The following CADM2 variants were observed in gnomAD, a reference collection of about 807,000 sequenced individuals.
CADM2 encodes cell adhesion molecule 2.
CADM2 carries 12 observed loss-of-function variants against 49.8 expected under a neutral mutation model. The ratio of observed to expected loss-of-function variants is 0.24; its 90% CI spans 0.15 to 0.39. CADM2 has a LOEUF of 0.39. Ranked by LOEUF, CADM2 falls within the 10% of genes least tolerant of loss-of-function variation. The pLI, the probability that CADM2 is intolerant of heterozygous loss-of-function variation, is 1.00. For missense variants in CADM2, 378 were observed against 492.3 expected, an observed-to-expected ratio of 0.77 and a Z score of 2.20; for synonymous variants, 214 against 175.4, an observed-to-expected ratio of 1.22 and a Z score of -1.74.
intron 1 of CADM2, among the ~76,000 whole-genome samples, chr3:85,320,644 T>C (rs1161742235): frequency 1.3e-5 from 2 of 152,166 alleles, no homozygotes; most frequent in South Asian, 4.1e-4. Flanking sequence ...ACAAAAATAA[T>C]AAAGTATATT....
At chr3:85,218,933 T>TA (rs2041989375) in intron 1 of CADM2, among the ~76,000 whole-genome samples, 1 of 152,178 alleles carries the variant, frequency 6.6e-6, no homozygotes, top group African/African-American at 2.4e-5. Flanking sequence ...TAATCTATCT[T>TA]ACCTTTTGGT....
Position 86,070,314 on chromosome 3 carries a change from A to G in CADM2, c.*3531A>G, listed in dbSNP as rs1376071789. 6.6e-6 allele frequency: 1 copy of G among 151,974 alleles called. No individual in the cohort carries two copies. Among genetic ancestry groups the G allele is most frequent in the East Asian group, 1.9e-4 (1 of 5,188 alleles). 9.4% of individuals were successfully genotyped at this position (151,974 alleles called of 1,614,324 possible). ...GATTGTAACAGCATTGAGATTTCAT[A>G]TAGGCACATGTATAGCAGCTGTTTG... On this transcript the variant is annotated 3_prime_UTR_variant, in exon 10 of 10. Transcript: ENST00000383699.
At chr3:85,718,588 T>A (rs985486775) in intron 1 of CADM2, among the ~76,000 whole-genome samples, 2 of 152,160 alleles carry the variant, frequency 1.3e-5, no homozygotes, top group African/African-American at 4.8e-5. Context: ...TTTAAAGAGA[T>A]GTTTGAAAGC....
At chr3:85,970,626 T>C (rs1726008893) in intron 8 of CADM2, among the ~76,000 whole-genome samples, 1 of 151,600 alleles carries the variant, frequency 6.6e-6, no homozygotes, top group South Asian at 2.1e-4. Flanking sequence ...CAATATAGAA[T>C]ATTGCATTTG....
At chr3:85,371,417 C>T (rs1269822848) in intron 1 of CADM2, among the ~76,000 whole-genome samples, 1 of 151,878 alleles carries the variant, frequency 6.6e-6, no homozygotes, top group Admixed American at 6.6e-5. Flanking sequence ...CAACTACCTA[C>T]AGCAGTCAGT....
intron 1 of CADM2, among the ~76,000 whole-genome samples, chr3:85,104,870 T>C (rs1212068547): frequency 6.6e-6 from 1 of 152,192 alleles, no homozygotes; most frequent in African/African-American, 2.4e-5. Context: ...GCTCTCTGTT[T>C]GTCTGTTATT....
At chr3:85,078,709 G>A (rs1165724243) in intron 1 of CADM2, among the ~76,000 whole-genome samples, 11 of 150,724 alleles carry the variant, frequency 7.3e-5, no homozygotes, top group Middle Eastern at 3.4e-3. Context: ...CTTAAAATGA[G>A]CCTTTTACAA....
intron 3 of CADM2, among the ~76,000 whole-genome samples, chr3:85,859,796 G>C (rs2075454706): frequency 6.6e-6 from 1 of 152,080 alleles, no homozygotes; most frequent in Non-Finnish European, 1.5e-5. Flanking sequence ...CAGTCTTTAT[G>C]TTGTTCTCAT....
intron 1 of CADM2, among the ~76,000 whole-genome samples, chr3:85,198,488 A>G (rs1319825561): frequency 1.3e-5 from 2 of 151,286 alleles, no homozygotes; most frequent in Non-Finnish European, 3.0e-5. Context: ...AGTTGCAACA[A>G]TGCTCTTCAA....
chr3:85,934,831 AGT>A (rs1721003901), intron 6 of CADM2, among the ~76,000 whole-genome samples: 1 of 152,004 alleles, frequency 6.6e-6, no homozygotes, highest in African/African-American at 2.4e-5. Flanking sequence ...AGAAGGGAAG[AGT>A]GAGAATAATT....
chr3:85,474,240 G>T (rs1035233074), intron 1 of CADM2, among the ~76,000 whole-genome samples: 5 of 151,576 alleles, frequency 3.3e-5, no homozygotes, highest in African/African-American at 1.2e-4. Flanking sequence ...GATTGTGGAT[G>T]GTTGGAAAAG....
intron 1 of CADM2, among the ~76,000 whole-genome samples, chr3:85,515,169 A>C (rs1332054028): frequency 2.0e-5 from 3 of 152,182 alleles, no homozygotes; most frequent in Admixed American, 6.5e-5. Context: ...CCTAGAAATC[A>C]AAGTTGTAAC....
chr3:85,132,818 G>A (rs1305319714), intron 1 of CADM2, among the ~76,000 whole-genome samples: 1 of 152,132 alleles, frequency 6.6e-6, no homozygotes, highest in East Asian at 1.9e-4. Flanking sequence ...CAATCCACAT[G>A]GTATAGTAGT....
Position 85,442,974 on chromosome 3 carries a change from T to C in CADM2, c.62-283548T>C, listed in dbSNP as rs1236332298. On this transcript the variant is annotated intron_variant, in intron 1 of 9. Coordinates refer to ENST00000383699, the MANE Select transcript of CADM2 (RefSeq NM_001167675.2). Reference sequence around the variant, plus strand: ...TATATAGTATGAATGCATATACAGGTATACTAAAAAGTTTTAAATTTATGT... The same window carrying C: ...TATATAGTATGAATGCATATACAGGCATACTAAAAAGTTTTAAATTTATGT... Among the ~76,000 whole-genome samples the C allele has an allele frequency of 2.0e-5, 3 of 151,924 alleles. No individual in the cohort carries two copies. The East Asian group carries it at 5.8e-4, about 29-fold the overall frequency.
intron 1 of CADM2, among the ~76,000 whole-genome samples, chr3:85,439,202 G>A (rs969438554): frequency 6.8e-6 from 1 of 148,020 alleles, no homozygotes; most frequent in Non-Finnish European, 1.5e-5. Context: ...TGCCCAAGCT[G>A]GAGTGTAATG....
chr3:85,776,413 T>C (rs2070364356), intron 2 of CADM2, among the ~76,000 whole-genome samples: 1 of 151,868 alleles, frequency 6.6e-6, no homozygotes, highest in African/African-American at 2.4e-5. Flanking sequence ...CTCCAATTTG[T>C]GAATACTACT....
chr3:85,068,663 T>C (rs1367687252), intron 1 of CADM2, among the ~76,000 whole-genome samples: 3 of 152,174 alleles, frequency 2.0e-5, no homozygotes, highest in African/African-American at 7.2e-5. Context: ...GTGGTCAGGG[T>C]AAAATGACTT....
At chr3:85,067,318 A>C (rs2036563745) in intron 1 of CADM2, among the ~76,000 whole-genome samples, 1 of 151,896 alleles carries the variant, frequency 6.6e-6, no homozygotes, top group Admixed American at 6.6e-5. Context: ...TGGTTTTGTT[A>C]TAAGGCATTC....
At chr3:85,120,555 T>A (rs1575915821) in intron 1 of CADM2, among the ~76,000 whole-genome samples, 1 of 152,274 alleles carries the variant, frequency 6.6e-6, no homozygotes, top group East Asian at 1.9e-4. Context: ...GAAACCATCA[T>A]TCTCAGCAAA....
Sources: gnomAD v4.1 joint callset for allele counts (sites outside exome capture counted in the v4.1 genomes callset) on GRCh38, gnomAD v4.1.1 for gene constraint, MANE v1.5 for transcripts, NCBI Gene and HGNC (gene_info 2026-07-23, HGNC 2026-07-21) for gene names.